Variants in CEP162 observed in about 807,000 individuals in gnomAD.
CEP162 encodes the protein centrosomal protein 162.
A neutral mutation model predicts 169.2 loss-of-function variants in CEP162; 141 were observed. The observed-to-expected ratio is 0.83, with a 90% CI of 0.73 to 0.96. CEP162 has a LOEUF of 0.96. Among genes scored for constraint, CEP162 ranks in the 40% least tolerant of loss-of-function variants. The pLI, the probability that CEP162 is intolerant of heterozygous loss-of-function variation, is 0.00. For synonymous variants in CEP162, 540 were observed against 526.4 expected (o/e 1.03, Z -0.35); for missense variants, 1,600 against 1,587.2 (o/e 1.01, Z -0.14).
Position 84,165,470 on chromosome 6 carries a change from C to T in CEP162, c.2386-2200G>A, listed in dbSNP as rs755867934. Among the ~76,000 whole-genome samples, 5 of 152,030 alleles carry T rather than the reference C, an allele frequency of 3.3e-5. No individual in the cohort carries two copies. In the East Asian group the frequency reaches 9.8e-4, roughly 30 times the overall value. On this transcript the variant is annotated intron_variant, in intron 18 of 26. Coordinates refer to ENST00000403245, the MANE Select transcript of CEP162 (RefSeq NM_014895.4). ...AGTTAAGCTAAGCTATTCCTGATAA[C>T]CCCCTCTTCTGTCTCCCACAAACTT...
intron 17 of CEP162, 112 bp from the exon 18 acceptor site, chr6:84,169,545 C>A (rs1298157711): frequency 5.3e-6 from 3 of 561,822 alleles, no homozygotes; most frequent in Non-Finnish European, 3.0e-6. Flanking sequence ...AAACTGTATG[C>A]ATAAATGAAG....
intron 21 of CEP162, among the ~76,000 whole-genome samples, chr6:84,157,412 C>T (rs1260205956): frequency 2.0e-5 from 3 of 152,190 alleles, no homozygotes; most frequent in Non-Finnish European, 2.9e-5. Flanking sequence ...TGGCTCATGC[C>T]TGTAATCCCA....
chr6:84,204,711 C>G (rs1296130823), intron 6 of CEP162, among the ~76,000 whole-genome samples: 1 of 151,950 alleles, frequency 6.6e-6, no homozygotes, highest in Non-Finnish European at 1.5e-5. Flanking sequence ...TAGCAGAAGG[C>G]AAGAAATAAC....
At position 84,149,690 on chromosome 6, in the gene CEP162, T is replaced by C. The variant is rs776229260; in HGVS notation, c.3643A>G (p.Thr1215Ala). 1.4e-5 allele frequency: 22 copies of C among 1,552,626 alleles called. No homozygotes were observed. The highest frequency in any genetic ancestry group is 3.4e-4 in the Middle Eastern group (2 of 5,834). The change falls in exon 24 of 27, where the codon ACT (threonine) becomes GCT (alanine). Residue 1215 changes from threonine to alanine, a missense_variant. Thr to Ala is a moderately conservative substitution (Grantham distance 58). Transcript: ENST00000403245. Reference protein sequence around the residue: ...ENSMRRVKEDTAAHIASLKAS... With the variant: ...ENSMRRVKEDAAAHIASLKAS... ...TTGAGGGATGCAATGTGTGCTGCAGTATCTTCCTTGACCCTACAGAGCAAA... is the reference window on the plus strand; with the variant it reads ...TTGAGGGATGCAATGTGTGCTGCAGCATCTTCCTTGACCCTACAGAGCAAA...
At chr6:84,190,845 G>A (rs1054553883) in intron 11 of CEP162, among the ~76,000 whole-genome samples, 1 of 152,194 alleles carries the variant, frequency 6.6e-6, no homozygotes, top group African/African-American at 2.4e-5. Context: ...CACACGCCCA[G>A]CTAATTTTGG....
intron 11 of CEP162, 128 bp downstream of exon 11, chr6:84,193,478 AAAG>A (rs1489116325): frequency 2.0e-6 from 1 of 493,176 alleles, no homozygotes; most frequent in African/African-American, 2.0e-5. Flanking sequence ...ACAAATATAA[AAAG>A]AAGAGAGTTA....
intron 16 of CEP162, among the ~76,000 whole-genome samples, 186 bp from the exon 17 acceptor site, chr6:84,171,904 C>A (rs774240609): frequency 6.6e-6 from 1 of 152,054 alleles, no homozygotes; most frequent in Non-Finnish European, 1.5e-5. Flanking sequence ...AAAAACAGTT[C>A]TTTCCATAAC....
intron 11 of CEP162, among the ~76,000 whole-genome samples, chr6:84,187,345 C>T (rs1329655784): frequency 6.6e-6 from 1 of 152,086 alleles, no homozygotes; most frequent in African/African-American, 2.4e-5. Context: ...TCAATTAGGC[C>T]ATTTAATTTT....
chr6:84,186,822 T>A (rs1265341179), intron 11 of CEP162, among the ~76,000 whole-genome samples, 199 bp from the exon 12 acceptor site: 1 of 152,182 alleles, frequency 6.6e-6, no homozygotes, highest in Non-Finnish European at 1.5e-5. Flanking sequence ...TAATTTCGGA[T>A]AATAATTTTA....
Position 84,160,820 on chromosome 6 carries a change from C to T in CEP162, c.2773G>A (p.Glu925Lys). The change falls in exon 21 of 27, where the codon GAG becomes AAG. Residue 925 changes from glutamate to lysine, a missense_variant. By Grantham distance (56) the Glu-to-Lys change is moderately conservative. Transcript: ENST00000403245. ...TTACCCTGAACACATACTTGTCGCT[C>T]CAGATCCTGAATTTTTTTGGCATCT... ...AADAKKIQDL[E>K]RQVKEMEGIL... 1 of 1,601,636 alleles carries T rather than the reference C, an allele frequency of 6.2e-7. No individual in the cohort carries two copies. Among genetic ancestry groups the T allele is most frequent in the Non-Finnish European group, 8.6e-7 (1 of 1,169,056 alleles).
intron 24 of CEP162, among the ~76,000 whole-genome samples, chr6:84,147,649 T>C (rs898415274): frequency 6.6e-6 from 1 of 152,066 alleles, no homozygotes; most frequent in African/African-American, 2.4e-5. Flanking sequence ...AAAATAAATA[T>C]GAACATTTTT....
At chr6:84,216,077 C>T in intron 3 of CEP162, 155 bp from the exon 4 acceptor site, 1 of 860,642 alleles carries the variant, frequency 1.2e-6, no homozygotes. Context: ...CTAACACTCA[C>T]AAAAGAAAGA....
At position 84,149,594 on chromosome 6, in the gene CEP162, C is replaced by T. The variant is rs1309851744; in HGVS notation, c.3739G>A (p.Ala1247Thr). 3.1e-6 allele frequency: 5 copies of T among 1,601,372 alleles called. No individual in the cohort carries two copies. In the South Asian group the frequency reaches 5.6e-5, roughly 18 times the overall value. Residue 1247 changes from alanine to threonine, a missense_variant, in exon 24 of 27, where the codon GCT (alanine) becomes ACT (threonine). By Grantham distance (58) the Ala-to-Thr change is moderately conservative. Transcript: ENST00000403245. Reference sequence around the variant, plus strand: ...GTTGCTATTTTACGATTTAGTTCAGCTACTTTGGAAGAAGAATTTTCTACT... The same window carrying T: ...GTTGCTATTTTACGATTTAGTTCAGTTACTTTGGAAGAAGAATTTTCTACT... ...NAVENSSSKV[A>T]ELNRKIATQE...
At chr6:84,181,007 T>C (rs2099534581) in intron 13 of CEP162, among the ~76,000 whole-genome samples, 2 of 152,108 alleles carry the variant, frequency 1.3e-5, no homozygotes, top group Non-Finnish European at 2.9e-5. Flanking sequence ...TTAAAGTTCA[T>C]ATGGAACCAA....
At chr6:84,160,304 G>C (rs1370652695) in intron 21 of CEP162, among the ~76,000 whole-genome samples, 1 of 152,018 alleles carries the variant, frequency 6.6e-6, no homozygotes, top group Non-Finnish European at 1.5e-5. Flanking sequence ...ATGATTAAAG[G>C]TCTCCCACAC....
At chr6:84,210,058 A>G (rs2099548832) in intron 6 of CEP162, among the ~76,000 whole-genome samples, 1 of 152,212 alleles carries the variant, frequency 6.6e-6, no homozygotes, top group Non-Finnish European at 1.5e-5. Context: ...TTATATGAGA[A>G]ACATCAGAGA....
At chr6:84,175,790 T>A (rs1448805238) in intron 13 of CEP162, among the ~76,000 whole-genome samples, 1 of 152,196 alleles carries the variant, frequency 6.6e-6, no homozygotes, top group Non-Finnish European at 1.5e-5. Context: ...ACATTTTTTA[T>A]AAACAATGTA....
chr6:84,189,947 T>A (rs1419852464), intron 11 of CEP162, among the ~76,000 whole-genome samples: 1 of 151,828 alleles, frequency 6.6e-6, no homozygotes, highest in Non-Finnish European at 1.5e-5. Context: ...ACACTCTGTA[T>A]CTAGCTGCTC....
chr6:84,216,018 A>G, intron 3 of CEP162, 96 bp from the exon 4 acceptor site: 1 of 1,381,780 alleles, frequency 7.2e-7, no homozygotes, highest in Non-Finnish European at 9.4e-7. Flanking sequence ...AATTTTGTGC[A>G]CAGTAGCTAT....
Sources: allele counts gnomAD v4.1 joint callset (sites outside exome capture counted in the v4.1 genomes callset), GRCh38; gene constraint gnomAD v4.1.1; transcripts MANE v1.5; gene names NCBI Gene and HGNC (gene_info 2026-07-23, HGNC 2026-07-21).